STK24: variants seen among roughly 807,000 people sequenced by gnomAD.
STK24 encodes the protein serine/threonine-protein kinase 24.
STK24 carries 21 observed loss-of-function variants against 55.6 expected under a neutral mutation model. The observed-to-expected ratio is 0.38, with a 90% CI of 0.27 to 0.54. STK24 has a LOEUF of 0.54. STK24 is among the 20% of genes least tolerant of loss of function. STK24 has a pLI of 0.79. For synonymous variants in STK24, 200 were observed against 215.2 expected (o/e 0.93, Z 0.62); for missense variants, 383 against 538.4 (o/e 0.71, Z 2.86).
At chr13:98,566,662 T>C (rs1274015630) in intron 1 of STK24, among the ~76,000 whole-genome samples, 2 of 152,208 alleles carry the variant, frequency 1.3e-5, no homozygotes, top group Non-Finnish European at 2.9e-5. Context: ...AAGATGTTTA[T>C]TTTCTAGACT....
At chr13:98,532,355 G>A (rs1389981396) in intron 1 of STK24, among the ~76,000 whole-genome samples, 1 of 151,974 alleles carries the variant, frequency 6.6e-6, no homozygotes, top group African/African-American at 2.4e-5. Context: ...CACCTTGCCA[G>A]ATGACTTCAG....
At chr13:98,506,765 A>G (rs9517329) in intron 2 of STK24, among the ~76,000 whole-genome samples, 127,890 of 152,210 alleles carry the variant, frequency 0.84, 54,243 homozygotes, top group Non-Finnish European at 0.91. Flanking sequence ...AACCACGGAC[A>G]CGTGTTAGGC....
chr13:98,448,105 T>C lies in STK24; in HGVS notation c.*5068A>G, dbSNP rs1003582421. The C allele has an allele frequency of 6.7e-6, 5 of 742,172 alleles. No individual in the cohort carries two copies. In the African/African-American group the frequency reaches 6.9e-5, roughly 10 times the overall value. The allele number at this position is 742,172 out of a possible 1,614,324, so 46.0% of individuals were successfully genotyped here. On this transcript the variant is annotated 3_prime_UTR_variant, in exon 11 of 11. Transcript: ENST00000539966. Reference sequence around the variant, plus strand: ...GCCTGGGTGCTGGCTGTTCCCTTGCTCTTCTGCTGAAGTGGCAGATTACCA... The same window carrying C: ...GCCTGGGTGCTGGCTGTTCCCTTGCCCTTCTGCTGAAGTGGCAGATTACCA...
At chr13:98,519,959 T>C (rs1041898632) in intron 1 of STK24, among the ~76,000 whole-genome samples, 4 of 152,168 alleles carry the variant, frequency 2.6e-5, no homozygotes, top group African/African-American at 9.7e-5. Context: ...TAACTATGCA[T>C]CTTCATGAAT....
intron 1 of STK24, among the ~76,000 whole-genome samples, chr13:98,528,776 C>T (rs111990178): frequency 1.7e-3 from 265 of 152,334 alleles, no homozygotes; most frequent in African/African-American, 5.7e-3. Context: ...CTCAACTACT[C>T]TGGTTGAAAC....
chr13:98,476,240 G>GCCCCCCC (rs138129188), intron 3 of STK24, among the ~76,000 whole-genome samples: 114 of 141,586 alleles, frequency 8.1e-4, no homozygotes, highest in Non-Finnish European at 1.3e-3. Flanking sequence ...CAGACGGGAA[G>GCCCCCCC]CCCCCCCCCG....
At chr13:98,499,500 C>G (rs1895368237) in intron 2 of STK24, among the ~76,000 whole-genome samples, 1 of 152,174 alleles carries the variant, frequency 6.6e-6, no homozygotes. Context: ...TGAGTCCTGG[C>G]TCATCAGCTG....
rs78255438 is a variant in STK24 at position 98,490,628 on chromosome 13, G to A, written c.274-8307C>T. 9.1e-3 allele frequency among the ~76,000 whole-genome samples: 1,390 copies of A among 152,214 alleles called. 18 individuals carry two copies. Among genetic ancestry groups the A allele is most frequent in the African/African-American group, 0.031 (1,269 of 41,514 alleles). On this transcript the variant is annotated intron_variant, in intron 2 of 10. Transcript: ENST00000539966. The stretch of plus-strand genomic sequence containing the variant: ...CACGTGATGAATGTGGAGTAAAGGC[G>A]CCGGCCTTCCATTCTCCCAGGTGAT...
chr13:98,507,449 T>G (rs564971117), intron 2 of STK24, among the ~76,000 whole-genome samples: 28 of 152,160 alleles, frequency 1.8e-4, no homozygotes, highest in Non-Finnish European at 3.1e-4. Flanking sequence ...GTGTTGATAG[T>G]AGAAGAAAAG....
At chr13:98,569,627 CAAAAG>C (rs1897684704) in intron 1 of STK24, among the ~76,000 whole-genome samples, 1 of 151,764 alleles carries the variant, frequency 6.6e-6, no homozygotes, top group Non-Finnish European at 1.5e-5. Context: ...GAAGCATTAC[CAAAAG>C]AAAAGAAATC....
intron 5 of STK24, among the ~76,000 whole-genome samples, chr13:98,471,362 A>G (rs557962533): frequency 1.2e-4 from 18 of 152,240 alleles, no homozygotes; most frequent in African/African-American, 4.3e-4. Flanking sequence ...ATTCGCTAAC[A>G]TACCATCGTA....
chr13:98,466,304 T>A, intron 6 of STK24, 72 bp downstream of exon 6: 1 of 1,461,008 alleles, frequency 6.8e-7, no homozygotes. Flanking sequence ...ATTAAAGCAA[T>A]CCCAACAGGA....
chr13:98,449,084 A>ATAATAAGCCGTGGTGTTTT lies in STK24; in HGVS notation c.*4070_*4088dup, dbSNP rs1555299029. On this transcript the variant is annotated 3_prime_UTR_variant, in exon 11 of 11. Transcript: ENST00000539966. ...TGTGAGTGGTGTACACAATGGGAAG[A>ATAATAAGCCGTGGTGTTTT]TAATAAGCCGTGGTGTTTTGCTGTC... The ATAATAAGCCGTGGTGTTTT allele has an allele frequency of 1.3e-5, 2 of 152,236 alleles. No homozygotes were observed. Among genetic ancestry groups the ATAATAAGCCGTGGTGTTTT allele is most frequent in the Admixed American group, 6.5e-5 (1 of 15,280 alleles). 9.4% of individuals were successfully genotyped at this position (152,236 alleles called of 1,614,324 possible). A position where few individuals can be genotyped will look rare whatever the true frequency, so the allele number is the denominator to read the frequency against.
chr13:98,522,758 T>C (rs1295102464), intron 1 of STK24, among the ~76,000 whole-genome samples: 1 of 152,258 alleles, frequency 6.6e-6, no homozygotes, highest in South Asian at 2.1e-4. Flanking sequence ...CCAGGTATGA[T>C]AAGTGGCATG....
chr13:98,457,274 T>A lies in STK24; in HGVS notation c.1153A>T (p.Asn385Tyr). 6 of 1,613,874 alleles carry A rather than the reference T, an allele frequency of 3.7e-6. No homozygotes were observed. The highest frequency in any genetic ancestry group is 5.1e-6 in the Non-Finnish European group (6 of 1,180,008). Residue 385 changes from asparagine (N) to tyrosine (Y), a missense_variant, in exon 10 of 11, where the codon AAC becomes TAC. Physicochemically the swap from Asn to Tyr is moderately radical, Grantham distance 143 (BLOSUM62 -2). Transcript: ENST00000539966. ...CGCAGCTCTTCAATGGACCCCAAGT[T>A]CCCTCCGCACGCCTGGCTCTTCTCC... ...LKEKSQACGG[N>Y]LGSIEELRGA...
intron 1 of STK24, among the ~76,000 whole-genome samples, chr13:98,527,405 C>G (rs150339876): frequency 6.6e-6 from 1 of 152,186 alleles, no homozygotes; most frequent in African/African-American, 2.4e-5. Flanking sequence ...CCAATTAGAG[C>G]GGTGGGAACA....
At chr13:98,550,387 G>T (rs1897130505) in intron 1 of STK24, among the ~76,000 whole-genome samples, 1 of 152,112 alleles carries the variant, frequency 6.6e-6, no homozygotes, top group East Asian at 1.9e-4. Flanking sequence ...AAAAATAGTT[G>T]GGCATGGTGG....
At chr13:98,518,541 G>A (rs1896149582) in intron 2 of STK24, among the ~76,000 whole-genome samples, 1 of 152,168 alleles carries the variant, frequency 6.6e-6, no homozygotes, top group Non-Finnish European at 1.5e-5. Flanking sequence ...CAGTGAAACA[G>A]GTATATTTTG....
In STK24 at chr13:98,486,905, T is replaced by C. The variant is rs564643726; in HGVS notation, c.274-4584A>G. On this transcript the variant is annotated intron_variant, in intron 2 of 10. Coordinates refer to ENST00000539966, the MANE Select transcript of STK24 (RefSeq NM_001032296.4). ...CATCCACAACAAGATGGGAATCAGATCGGTGCTTCCAACCTCACAGTTCCA... is the reference window on the plus strand; with the variant it reads ...CATCCACAACAAGATGGGAATCAGACCGGTGCTTCCAACCTCACAGTTCCA... 2.6e-5 allele frequency among the ~76,000 whole-genome samples: 4 copies of C among 152,310 alleles called. No homozygotes were observed. In the East Asian group the frequency reaches 7.7e-4, roughly 29 times the overall value.
Sources: allele counts gnomAD v4.1 joint callset (sites outside exome capture counted in the v4.1 genomes callset), GRCh38; gene constraint gnomAD v4.1.1; transcripts MANE v1.5; gene names NCBI Gene and HGNC (gene_info 2026-07-23, HGNC 2026-07-21).